The following ARSG variants were observed in gnomAD, a reference collection of about 807,000 sequenced individuals.
ARSG encodes the protein ASG.
ARSG carries 37 observed loss-of-function variants against 50.5 expected under a neutral mutation model. The ratio of observed to expected loss-of-function variants is 0.73; its 90% CI spans 0.56 to 0.96. The LOEUF is 0.96. Among genes scored for constraint, ARSG ranks in the 50% least tolerant of loss-of-function variants. The probability of loss-of-function intolerance (pLI) is 0.00; values close to 1 mark genes in which losing one functional copy is unlikely to be tolerated. For synonymous variants in ARSG, 225 were observed against 254.6 expected (o/e 0.88, Z 1.11); for missense variants, 629 against 675.3 (o/e 0.93, Z 0.76).
intron 9 of ARSG, among the ~76,000 whole-genome samples, chr17:68,388,209 T>A (rs1398679152): frequency 6.6e-6 from 1 of 152,064 alleles, no homozygotes; most frequent in Admixed American, 6.6e-5. Context: ...TGGGAAAAGG[T>A]TTCAGTAGTT....
chr17:68,410,008 T>G (rs944364233), intron 11 of ARSG, among the ~76,000 whole-genome samples: 1 of 151,296 alleles, frequency 6.6e-6, no homozygotes, highest in Admixed American at 6.6e-5. Context: ...CTTATCAGCT[T>G]AAGGAGATTT....
chr17:68,368,410 T>A, intron 6 of ARSG, 138 bp from the exon 7 acceptor site: 1 of 707,164 alleles, frequency 1.4e-6, no homozygotes. Context: ...TGGAAGATTC[T>A]GGATAAATGT....
intron 10 of ARSG, among the ~76,000 whole-genome samples, chr17:68,397,624 T>TTA (rs200160482): frequency 5.3e-5 from 8 of 151,876 alleles, no homozygotes; most frequent in Non-Finnish European, 7.4e-5. Context: ...ATATGAGGAA[T>TTA]TATATATATA....
downstream of ARSG, chr17:68,426,234 C>CGGGG: frequency 1.4e-6 from 1 of 705,816 alleles, no homozygotes; most frequent in Non-Finnish European, 2.0e-6. Context: ...ATGCCATGAC[C>CGGGG]TGGCGGGTGG....
chr17:68,270,636 A>G (rs1599490258), intron 1 of ARSG, among the ~76,000 whole-genome samples: 1 of 151,732 alleles, frequency 6.6e-6, no homozygotes, highest in Non-Finnish European at 1.5e-5. Context: ...TTACCATCTG[A>G]CCTTTAGCTT....
chr17:68,298,355 C>A (rs2076283429), intron 1 of ARSG, among the ~76,000 whole-genome samples: 1 of 151,840 alleles, frequency 6.6e-6, no homozygotes, highest in Non-Finnish European at 1.5e-5. Context: ...GTAATCCCAG[C>A]AATTTGGGAG....
intron 1 of ARSG, chr17:68,285,599 G>A (rs551130268): frequency 6.6e-6 from 1 of 152,270 alleles, no homozygotes; most frequent in Non-Finnish European, 1.5e-5. Flanking sequence ...GAACCCAGGA[G>A]GCAGAGGTTG....
intron 8 of ARSG, among the ~76,000 whole-genome samples, chr17:68,372,174 GTCCACAGACTAA>G (rs2079877485): frequency 6.6e-6 from 1 of 152,128 alleles, no homozygotes; most frequent in Non-Finnish European, 1.5e-5. Context: ...CTGTGTATTA[GTCCACAGACTAA>G]TACACACAAT....
intron 1 of ARSG, among the ~76,000 whole-genome samples, chr17:68,279,836 A>G (rs2075636271): frequency 6.6e-6 from 1 of 152,220 alleles, no homozygotes; most frequent in African/African-American, 2.4e-5. Context: ...ATCTATAATA[A>G]TCAATGAGTC....
chr17:68,375,761 T>A (rs1599947923), intron 8 of ARSG, among the ~76,000 whole-genome samples: 2 of 151,658 alleles, frequency 1.3e-5, no homozygotes, highest in Non-Finnish European at 2.9e-5. Context: ...CGGGCAGGGG[T>A]GGGAACATCG....
downstream of ARSG, among the ~76,000 whole-genome samples, chr17:68,425,382 CTTTTTTT>C (rs112331284): frequency 1.3e-4 from 17 of 132,322 alleles, no homozygotes; most frequent in Non-Finnish European, 1.6e-4. Flanking sequence ...TTTTTCTTTT[CTTTTTTT>C]TTTTTTTTTT....
chr17:68,402,626 G>A (rs959971984), intron 11 of ARSG, among the ~76,000 whole-genome samples: 67 of 152,182 alleles, frequency 4.4e-4, no homozygotes, highest in African/African-American at 1.3e-3. Flanking sequence ...CCTGGTTCAC[G>A]CCATTCTCCT....
chr17:68,330,922 G>A (rs563144901), intron 2 of ARSG, among the ~76,000 whole-genome samples: 9 of 145,424 alleles, frequency 6.2e-5, no homozygotes, highest in Middle Eastern at 3.8e-3. Context: ...AACCAGGGAC[G>A]CTGCATTTTC....
chr17:68,393,080 T>C (rs2081072563), intron 9 of ARSG, among the ~76,000 whole-genome samples: 2 of 152,186 alleles, frequency 1.3e-5, no homozygotes, highest in Admixed American at 6.5e-5. Flanking sequence ...GTGAGGACTT[T>C]CTGAGTGCCA....
At chr17:68,415,447 C>T (rs1372180767) in intron 11 of ARSG, among the ~76,000 whole-genome samples, 2 of 152,086 alleles carry the variant, frequency 1.3e-5, no homozygotes, top group Non-Finnish European at 2.9e-5. Flanking sequence ...ATTGTATGGT[C>T]TGTCTTGGAG....
At chr17:68,364,828 A>G (rs944658252) in intron 6 of ARSG, among the ~76,000 whole-genome samples, 5 of 152,064 alleles carry the variant, frequency 3.3e-5, no homozygotes, top group African/African-American at 9.7e-5. Flanking sequence ...CCCCCACTCT[A>G]TTTTCCATTC....
At chr17:68,426,132 A>C (rs757608869), downstream of ARSG, 2 of 1,612,142 alleles carry the variant, frequency 1.2e-6, no homozygotes, top group African/African-American at 2.7e-5. Context: ...ACTCATGTTC[A>C]GGAATAACTT....
chr17:68,331,221 CTTTCTTTCTTTG>C (rs201887290), intron 2 of ARSG, among the ~76,000 whole-genome samples: 3,293 of 35,196 alleles, frequency 0.094, 100 homozygotes, highest in African/African-American at 0.19. Context: ...TTCTTTCTTT[CTTTCTTTCTTTG>C]TTTCTTTCTT....
intron 2 of ARSG, among the ~76,000 whole-genome samples, chr17:68,331,698 G>A (rs1599753803): frequency 1.3e-5 from 2 of 152,154 alleles, no homozygotes; most frequent in African/African-American, 2.4e-5. Context: ...GATATTTCAC[G>A]TGCGTCCTTT....
Sources: allele counts gnomAD v4.1 joint callset (sites outside exome capture counted in the v4.1 genomes callset), GRCh38; gene constraint gnomAD v4.1.1; transcripts MANE v1.5; gene names NCBI Gene and HGNC (gene_info 2026-07-23, HGNC 2026-07-21).